PSD3: variants seen among roughly 807,000 people sequenced by gnomAD.
PSD3 encodes the protein pleckstrin and Sec7 domain containing 3.
PSD3 carries 49 observed loss-of-function variants against 105.5 expected under a neutral mutation model. The ratio of observed to expected loss-of-function variants is 0.46; its 90% CI spans 0.37 to 0.59. The LOEUF is 0.59. Ranked by LOEUF, PSD3 falls within the 20% of genes least tolerant of loss-of-function variation. The pLI is 0.00. For missense variants in PSD3, 1,561 were observed against 1,263.8 expected (o/e 1.24, Z -3.57); for synonymous variants, 557 against 457.8 (o/e 1.22, Z -2.77).
chr8:18,728,067 A>G (rs1402144056), intron 9 of PSD3, among the ~76,000 whole-genome samples: 3 of 152,118 alleles, frequency 2.0e-5, no homozygotes, highest in African/African-American at 4.8e-5. Flanking sequence ...AAAACAGAAA[A>G]AAAAAAGCGG....
rs371038868 is a variant in PSD3, at chr8:19,005,833, G to A, written c.21+7730C>T. ...TGAATATGCTCTAAAATTGACTATG[G>A]TGATGGGTGCACAACTCCATGAACA... On this transcript the variant is annotated intron_variant, in intron 1 of 15. Coordinates refer to ENST00000327040, the MANE Select transcript of PSD3 (RefSeq NM_015310.4). Among the ~76,000 whole-genome samples, 267 of 151,956 alleles carry A rather than the reference G, an allele frequency of 1.8e-3. 3 individuals carry two copies. The highest frequency in any genetic ancestry group is 6.2e-3 in the African/African-American group (256 of 41,472).
intron 14 of PSD3, among the ~76,000 whole-genome samples, chr8:18,563,861 G>A (rs1317218156): frequency 6.6e-6 from 1 of 152,110 alleles, no homozygotes. Context: ...TGGATCAGAA[G>A]GACATAAGAT....
intron 9 of PSD3, among the ~76,000 whole-genome samples, chr8:18,671,569 T>C (rs1409075294): frequency 6.6e-6 from 1 of 152,190 alleles, no homozygotes; most frequent in Non-Finnish European, 1.5e-5. Flanking sequence ...ACTATTCTTC[T>C]TTGGAAGCAC....
At chr8:18,889,059 T>G (rs1258621047) in intron 2 of PSD3, among the ~76,000 whole-genome samples, 1 of 152,162 alleles carries the variant, frequency 6.6e-6, no homozygotes, top group East Asian at 1.9e-4. Context: ...ATTCAAGTTT[T>G]CCAAATGTCT....
At chr8:18,587,424 T>C (rs1585312655) in intron 12 of PSD3, among the ~76,000 whole-genome samples, 1 of 56,340 alleles carries the variant, frequency 1.8e-5, no homozygotes, top group East Asian at 6.6e-4. Context: ...GAAACATAAT[T>C]TTTTTCATCA....
chr8:18,575,371 T>A, intron 12 of PSD3, 86 bp from the exon 13 acceptor site: 2 of 1,303,032 alleles, frequency 1.5e-6, no homozygotes, highest in Non-Finnish European at 2.0e-6. Context: ...AAAAAAATAG[T>A]TTTTAGGAAA....
chr8:18,746,413 T>G (rs1310982993), intron 9 of PSD3, among the ~76,000 whole-genome samples: 2 of 152,136 alleles, frequency 1.3e-5, no homozygotes, highest in African/African-American at 2.4e-5. Flanking sequence ...GTGTCCTCAT[T>G]CTTCTTCAGT....
At chr8:18,826,372 A>C (rs958753005) in intron 4 of PSD3, among the ~76,000 whole-genome samples, 3 of 152,216 alleles carry the variant, frequency 2.0e-5, no homozygotes, top group African/African-American at 7.2e-5. Flanking sequence ...GAATCCTGTT[A>C]CAATTACACT....
At chr8:18,631,760 C>A (rs137966916) in intron 11 of PSD3, among the ~76,000 whole-genome samples, 1 of 151,978 alleles carries the variant, frequency 6.6e-6, no homozygotes, top group Non-Finnish European at 1.5e-5. Context: ...ATTGCTAAGT[C>A]CATGTCAAAG....
chr8:18,891,202 A>G (rs1194835599), intron 2 of PSD3, among the ~76,000 whole-genome samples: 1 of 152,216 alleles, frequency 6.6e-6, no homozygotes, highest in Non-Finnish European at 1.5e-5. Flanking sequence ...TACTCTATAA[A>G]TTCCAATGGG....
At chr8:18,591,852 C>A (rs1265916625) in intron 12 of PSD3, among the ~76,000 whole-genome samples, 1 of 152,018 alleles carries the variant, frequency 6.6e-6, no homozygotes, top group Non-Finnish European at 1.5e-5. Flanking sequence ...TGCAGTGTTG[C>A]AGACAGACAT....
rs1449708953 is a variant in PSD3, at chr8:18,534,966, C to T, written c.*777G>A. 6.6e-6 allele frequency: 1 copy of T among 152,624 alleles called. No homozygotes were observed. The highest frequency in any genetic ancestry group is 1.5e-5 in the Non-Finnish European group (1 of 68,050). The allele number at this position is 152,624 out of a possible 1,614,324, so 9.5% of individuals were successfully genotyped here. ...GCACATGCCTACTGCTGCAGCTCCT[C>T]AAGGGCCGATTATTGCCCCCATCCT... On this transcript the variant is annotated 3_prime_UTR_variant, in exon 16 of 16. Transcript: ENST00000327040.
rs749664050 is a variant in PSD3, at chr8:18,765,568, T to C, written c.2083-30A>G. 8 of 1,465,494 alleles carry C rather than the reference T, an allele frequency of 5.5e-6. 1 individual carries two copies. Among genetic ancestry groups the C allele is most frequent in the Non-Finnish European group, 6.7e-6 (7 of 1,045,358 alleles). 90.8% of individuals were successfully genotyped at this position (1,465,494 alleles called of 1,614,324 possible). Reference sequence around the variant, plus strand: ...AACAGAGGCAAACAGTACATCACTATGACATTCATGGAATTAAGACTGATT... The same window carrying C: ...AACAGAGGCAAACAGTACATCACTACGACATTCATGGAATTAAGACTGATT... On this transcript the variant is annotated intron_variant, in intron 8 of 15. Coordinates refer to ENST00000327040, the MANE Select transcript of PSD3 (RefSeq NM_015310.4).
chr8:18,598,647 T>C (rs1380401601), intron 12 of PSD3, among the ~76,000 whole-genome samples: 1 of 152,102 alleles, frequency 6.6e-6, no homozygotes, highest in Non-Finnish European at 1.5e-5. Context: ...TGATCTTATA[T>C]GTAGAAAACC....
chr8:18,599,632 T>A (rs187473261), intron 12 of PSD3, among the ~76,000 whole-genome samples: 1 of 152,286 alleles, frequency 6.6e-6, no homozygotes, highest in East Asian at 1.9e-4. Flanking sequence ...TTAAAGAGAA[T>A]GGGCTTGAAC....
intron 2 of PSD3, among the ~76,000 whole-genome samples, chr8:18,879,062 A>G (rs1817924783): frequency 6.7e-6 from 1 of 150,064 alleles, no homozygotes; most frequent in Admixed American, 6.7e-5. Flanking sequence ...ACACACACAC[A>G]CACACACACA....
intron 7 of PSD3, chr8:18,801,010 T>A (rs1005825361): frequency 1.1e-4 from 29 of 261,522 alleles, no homozygotes; most frequent in East Asian, 8.1e-4. Context: ...TATCATGCTG[T>A]CCTTAAATAT....
intron 9 of PSD3, among the ~76,000 whole-genome samples, chr8:18,757,298 CAAAAA>C (rs373688617): frequency 8.1e-6 from 1 of 123,068 alleles, no homozygotes; most frequent in East Asian, 2.3e-4. Context: ...ACCAAAAATA[CAAAAA>C]AAAAAAAAAA....
At chr8:18,748,524 G>C (rs1805207978) in intron 9 of PSD3, among the ~76,000 whole-genome samples, 1 of 152,004 alleles carries the variant, frequency 6.6e-6, no homozygotes, top group Admixed American at 6.5e-5. Context: ...GCCGGGCTTG[G>C]TGGCAGGCGC....
Sources: gnomAD v4.1 joint callset for allele counts (sites outside exome capture counted in the v4.1 genomes callset) on GRCh38, gnomAD v4.1.1 for gene constraint, MANE v1.5 for transcripts, NCBI Gene and HGNC (gene_info 2026-07-23, HGNC 2026-07-21) for gene names.